ARL6: variants seen among roughly 807,000 people sequenced by gnomAD.
ARL6 encodes the protein ARF like GTPase 6.
A neutral mutation model predicts 27.1 loss-of-function variants in ARL6; 18 were observed. The ratio of observed to expected loss-of-function variants is 0.66; its 90% CI spans 0.46 to 0.98. The LOEUF is 0.98. ARL6 is among the 50% of genes least tolerant of loss of function. The pLI, the probability that ARL6 is intolerant of heterozygous loss-of-function variation, is 0.00. For missense variants in ARL6, 187 were observed against 214.9 expected (o/e 0.87, Z 0.81); for synonymous variants, 65 against 72.3 (o/e 0.90, Z 0.51).
chr3:97,784,512 T>C (rs923825642), intron 4 of ARL6, among the ~76,000 whole-genome samples: 3 of 151,700 alleles, frequency 2.0e-5, no homozygotes, highest in Admixed American at 6.6e-5. Flanking sequence ...AATTTACATA[T>C]GTATTGCAAA....
At chr3:97,791,092 GTC>G (rs1390266487) in intron 6 of ARL6, 1 of 151,914 alleles carries the variant, frequency 6.6e-6, no homozygotes, top group Non-Finnish European at 1.5e-5. Context: ...TTTAAGTTTA[GTC>G]TCTCAAGAAT....
intron 2 of ARL6, among the ~76,000 whole-genome samples, chr3:97,776,365 G>A (rs922683081): frequency 5.9e-5 from 9 of 151,722 alleles, no homozygotes; most frequent in Non-Finnish European, 8.8e-5. Flanking sequence ...CACATAGTTG[G>A]GTCTTATTTT....
At chr3:97,792,388 C>T (rs962389895) in intron 7 of ARL6, among the ~76,000 whole-genome samples, 1 of 152,048 alleles carries the variant, frequency 6.6e-6, no homozygotes, top group African/African-American at 2.4e-5. Flanking sequence ...GAGGCTGAGT[C>T]AGGAGAATCA....
At chr3:97,792,901 T>C (rs942832188) in intron 7 of ARL6, among the ~76,000 whole-genome samples, 14 of 152,134 alleles carry the variant, frequency 9.2e-5, no homozygotes, top group African/African-American at 3.4e-4. Context: ...TATTATAAAT[T>C]CTAGCTACAG....
At position 97,797,283 on chromosome 3, in the gene ARL6, T is replaced by C. The variant is rs564202333; in HGVS notation, c.536-741T>C. ...GGTTTAAACTCTGGGAGTGGTGCAA[T>C]TGAATTAGTGTTAAGTACATACAAT... On this transcript the variant is annotated intron_variant, in intron 7 of 7. Transcript: ENST00000463745. 5.9e-5 allele frequency among the ~76,000 whole-genome samples: 9 copies of C among 152,252 alleles called. No homozygotes were observed. In the East Asian group the frequency reaches 1.7e-3, roughly 29 times the overall value.
In ARL6 at chr3:97,764,834, C is replaced by G. The variant is rs1205720711; in HGVS notation, c.-171C>G. Reference sequence around the variant, plus strand: ...TTCCCAACTTCTAGAGACGGCTTTGCTCATTACCAGGCATCCTTCCCATGT... The same window carrying G: ...TTCCCAACTTCTAGAGACGGCTTTGGTCATTACCAGGCATCCTTCCCATGT... On this transcript the variant is annotated 5_prime_UTR_variant, in exon 1 of 8. Transcript: ENST00000463745. 6.6e-6 allele frequency: 1 copy of G among 152,310 alleles called. No individual in the cohort carries two copies. The highest frequency in any genetic ancestry group is 2.4e-5 in the African/African-American group (1 of 41,454). The allele number at this position is 152,310 out of a possible 1,614,324, so 9.4% of individuals were successfully genotyped here. A position where few individuals can be genotyped will look rare whatever the true frequency, so the allele number is the denominator to read the frequency against.
chr3:97,792,764 A>T (rs2037805253), intron 7 of ARL6, among the ~76,000 whole-genome samples: 1 of 152,212 alleles, frequency 6.6e-6, no homozygotes, highest in African/African-American at 2.4e-5. Flanking sequence ...TTGTGAATGA[A>T]ACCAAGCTCA....
At chr3:97,791,862 T>C (rs371189821) in intron 7 of ARL6, 36 bp downstream of exon 7, 2 of 1,576,356 alleles carry the variant, frequency 1.3e-6, no homozygotes, top group African/African-American at 1.3e-5. Context: ...TCAGCCTTTG[T>C]TTCCTTTTTA....
intron 4 of ARL6, among the ~76,000 whole-genome samples, chr3:97,783,757 A>G (rs755183047): frequency 4.7e-4 from 72 of 151,804 alleles, no homozygotes; most frequent in Non-Finnish European, 3.7e-4. Flanking sequence ...TACTTAATTT[A>G]TGATTAAGTG....
chr3:97,767,622 G>T (rs1196571642), intron 1 of ARL6, among the ~76,000 whole-genome samples: 1 of 152,142 alleles, frequency 6.6e-6, no homozygotes, highest in Non-Finnish European at 1.5e-5. Context: ...TGGCTTAAAT[G>T]ATATCACCAA....
chr3:97,785,704 G>A (rs893889437), intron 5 of ARL6, among the ~76,000 whole-genome samples: 6 of 152,078 alleles, frequency 3.9e-5, no homozygotes, highest in African/African-American at 1.4e-4. Context: ...TACTATGAAT[G>A]TACCACAGTT....
intron 6 of ARL6, among the ~76,000 whole-genome samples, chr3:97,790,051 T>TTGTGTGTG (rs3058067): frequency 0.053 from 7,198 of 137,038 alleles, 276 homozygotes; most frequent in Admixed American, 0.094. Flanking sequence ...GGCATCATGA[T>TTGTGTGTG]TGTGTGTGTG....
intron 2 of ARL6, among the ~76,000 whole-genome samples, chr3:97,777,106 A>G (rs567676353): frequency 1.1e-4 from 16 of 152,348 alleles, no homozygotes; most frequent in Middle Eastern, 3.4e-3. Flanking sequence ...TACCTAGAAT[A>G]ATGCTTGGCA....
In ARL6 at chr3:97,799,576, T is replaced by C. The variant is rs2108121976; in HGVS notation, c.*1527T>C. The C allele has an allele frequency of 2.0e-5, 3 of 152,246 alleles. No individual in the cohort carries two copies. In the South Asian group the frequency reaches 6.2e-4, roughly 32 times the overall value. The allele number at this position is 152,246 out of a possible 1,614,324, so 9.4% of individuals were successfully genotyped here. ...CAACTATTTTAGGATGGAGAAAGAA[T>C]TGATTGAGAATTCAAATCCTCACTC... On this transcript the variant is annotated 3_prime_UTR_variant, in exon 8 of 8. Coordinates refer to ENST00000463745, the MANE Select transcript of ARL6 (RefSeq NM_001278293.3).
At position 97,798,115 on chromosome 3, in the gene ARL6, C is replaced by A; in HGVS notation, c.*66C>A. The A allele has an allele frequency of 1.3e-6, 2 of 1,507,514 alleles. No individual in the cohort carries two copies. Among genetic ancestry groups the A allele is most frequent in the Non-Finnish European group, 9.2e-7 (1 of 1,088,020 alleles). The allele number at this position is 1,507,514 out of a possible 1,614,324, so 93.4% of individuals were successfully genotyped here. On this transcript the variant is annotated 3_prime_UTR_variant, in exon 8 of 8. Transcript: ENST00000463745. ...GAATCTATCTAAGACAAATAGAATA[C>A]ATTTTGTAAAAGATGTTTATGCATC...
At chr3:97,778,921 A>G (rs2037041402) in intron 2 of ARL6, among the ~76,000 whole-genome samples, 1 of 152,208 alleles carries the variant, frequency 6.6e-6, no homozygotes. Context: ...GATTACATAA[A>G]GAATGTAAAA....
intron 6 of ARL6, among the ~76,000 whole-genome samples, chr3:97,790,354 G>A (rs2037674745): frequency 6.6e-6 from 1 of 152,094 alleles, no homozygotes. Context: ...GTGTGTTCCA[G>A]GAGCAGCAAG....
chr3:97,788,192 C>A, intron 6 of ARL6, 73 bp downstream of exon 6: 1 of 1,490,168 alleles, frequency 6.7e-7, no homozygotes, highest in Non-Finnish European at 9.2e-7. Context: ...TTCTTCTGAT[C>A]TCATTTTTTA....
At chr3:97,778,792 C>T (rs186217726) in intron 2 of ARL6, among the ~76,000 whole-genome samples, 2 of 151,896 alleles carry the variant, frequency 1.3e-5, no homozygotes, top group African/African-American at 4.8e-5. Flanking sequence ...AATTAAGTAA[C>T]TTGTTCAAGG....
Sources: allele counts gnomAD v4.1 joint callset (sites outside exome capture counted in the v4.1 genomes callset), GRCh38; gene constraint gnomAD v4.1.1; transcripts MANE v1.5; gene names NCBI Gene and HGNC (gene_info 2026-07-23, HGNC 2026-07-21).